NR6A1: variants seen among roughly 807,000 people sequenced by gnomAD.
NR6A1 encodes nuclear receptor subfamily 6 group A member 1.
A neutral mutation model predicts 59.1 loss-of-function variants in NR6A1; 7 were observed. The ratio of observed to expected loss-of-function variants is 0.12; its 90% CI spans 0.07 to 0.22. The LOEUF (loss-of-function observed/expected upper bound fraction) is 0.22. Among genes scored for constraint, NR6A1 ranks in the 10% least tolerant of loss-of-function variants. The probability of loss-of-function intolerance (pLI) is 1.00; values close to 1 mark genes in which losing one functional copy is unlikely to be tolerated. For missense variants in NR6A1, 468 were observed against 611.6 expected (o/e 0.77, Z 2.48); for synonymous variants, 243 against 236.1 (o/e 1.03, Z -0.27).
At chr9:124,531,789 A>G (rs868610327) in intron 7 of NR6A1, among the ~76,000 whole-genome samples, 3 of 152,148 alleles carry the variant, frequency 2.0e-5, no homozygotes, top group African/African-American at 2.4e-5. Context: ...GTCATCACCA[A>G]CATTTTCCAC....
intron 2 of NR6A1, among the ~76,000 whole-genome samples, chr9:124,697,774 G>A (rs750494292): frequency 3.3e-5 from 5 of 152,106 alleles, no homozygotes; most frequent in Non-Finnish European, 7.4e-5. Context: ...GTGATGAAGA[G>A]CTTGGGCTAA....
At chr9:124,556,190 T>G (rs1833919427) in intron 2 of NR6A1, among the ~76,000 whole-genome samples, 1 of 152,242 alleles carries the variant, frequency 6.6e-6, no homozygotes, top group East Asian at 1.9e-4. Flanking sequence ...GGTAGGGGGT[T>G]ATTCTGAATT....
At chr9:124,642,358 TTTTA>T (rs1457169356) in intron 2 of NR6A1, among the ~76,000 whole-genome samples, 5 of 152,256 alleles carry the variant, frequency 3.3e-5, no homozygotes, top group Non-Finnish European at 7.3e-5. Context: ...AAACTTTGTC[TTTTA>T]TTTATTATCT....
intron 2 of NR6A1, among the ~76,000 whole-genome samples, chr9:124,665,631 A>G (rs930942359): frequency 1.6e-4 from 24 of 152,212 alleles, no homozygotes; most frequent in African/African-American, 5.3e-4. Flanking sequence ...TGTTTCCTTC[A>G]TCTCCTTCCT....
chr9:124,717,377 A>T (rs543717849), intron 2 of NR6A1, among the ~76,000 whole-genome samples: 2 of 152,356 alleles, frequency 1.3e-5, no homozygotes, highest in Non-Finnish European at 2.9e-5. Flanking sequence ...GGTCAAAGGA[A>T]TACTCCTCAA....
chr9:124,655,060 T>C (rs1837219288), intron 2 of NR6A1, among the ~76,000 whole-genome samples: 3 of 152,200 alleles, frequency 2.0e-5, no homozygotes, highest in Admixed American at 2.0e-4. Context: ...AGCAATTAGT[T>C]GTTCAGCTAA....
At chr9:124,644,106 G>A (rs2130907581) in intron 2 of NR6A1, among the ~76,000 whole-genome samples, 1 of 151,542 alleles carries the variant, frequency 6.6e-6, no homozygotes, top group East Asian at 2.0e-4. Context: ...TCACTATATT[G>A]GCCAGGATGG....
intron 1 of NR6A1, among the ~76,000 whole-genome samples, chr9:124,752,815 TAA>T (rs1254492164): frequency 3.6e-5 from 5 of 140,768 alleles, no homozygotes; most frequent in African/African-American, 7.8e-5. Context: ...GCAGTTAAAT[TAA>T]AAAAAAAAAA....
At chr9:124,708,817 A>G (rs1839202682) in intron 2 of NR6A1, among the ~76,000 whole-genome samples, 1 of 152,210 alleles carries the variant, frequency 6.6e-6, no homozygotes, top group African/African-American at 2.4e-5. Context: ...AAAGTAGTAC[A>G]CTGAGTGTTA....
At chr9:124,586,753 A>G (rs1834949746) in intron 2 of NR6A1, among the ~76,000 whole-genome samples, 1 of 152,196 alleles carries the variant, frequency 6.6e-6, no homozygotes. Context: ...CCAGCCCATG[A>G]TAAAACTTTA....
intron 2 of NR6A1, among the ~76,000 whole-genome samples, chr9:124,606,821 CT>C (rs1313850769): frequency 6.6e-6 from 1 of 152,192 alleles, no homozygotes; most frequent in Non-Finnish European, 1.5e-5. Flanking sequence ...CCATGGGCAC[CT>C]CCCTGTCAAT....
At chr9:124,527,592 G>A (rs980097549) in intron 7 of NR6A1, among the ~76,000 whole-genome samples, 2 of 152,206 alleles carry the variant, frequency 1.3e-5, no homozygotes, top group African/African-American at 2.4e-5. Context: ...CTGTACAAAT[G>A]AGCAACTGAA....
chr9:124,654,355 GA>G (rs1204485267), intron 2 of NR6A1, among the ~76,000 whole-genome samples: 2 of 152,196 alleles, frequency 1.3e-5, no homozygotes, highest in South Asian at 4.1e-4. Flanking sequence ...ACAAATTTGG[GA>G]AAAAATACAC....
At chr9:124,568,880 G>C (rs543231286) in intron 2 of NR6A1, among the ~76,000 whole-genome samples, 2 of 151,842 alleles carry the variant, frequency 1.3e-5, no homozygotes, top group African/African-American at 4.9e-5. Flanking sequence ...TTGGGAGGCC[G>C]AGGCGGGCGG....
intron 2 of NR6A1, among the ~76,000 whole-genome samples, chr9:124,630,530 C>A (rs1029772735): frequency 6.6e-6 from 1 of 151,500 alleles, no homozygotes; most frequent in African/African-American, 2.4e-5. Flanking sequence ...GCCACTGCAC[C>A]CAGCCCCAAC....
intron 2 of NR6A1, among the ~76,000 whole-genome samples, chr9:124,725,567 GCTTTCCTAT>G (rs558370923): frequency 2.0e-5 from 3 of 152,140 alleles, no homozygotes; most frequent in Non-Finnish European, 4.4e-5. Context: ...GTGTGAGCAG[GCTTTCCTAT>G]CAGGAATCTG....
intron 7 of NR6A1, among the ~76,000 whole-genome samples, chr9:124,530,241 C>T (rs529042587): frequency 1.3e-5 from 2 of 152,262 alleles, no homozygotes; most frequent in South Asian, 4.2e-4. Context: ...AAAATTCCTC[C>T]AACAGGCAGC....
chr9:124,724,589 T>C (rs1330693613), intron 2 of NR6A1, among the ~76,000 whole-genome samples: 1 of 152,134 alleles, frequency 6.6e-6, no homozygotes, highest in Non-Finnish European at 1.5e-5. Context: ...AAGTAAGTAC[T>C]TTCAATTTTG....
In NR6A1 at chr9:124,712,460, T is replaced by G. The variant is rs112340107; in HGVS notation, c.142+20848A>C. Among the ~76,000 whole-genome samples the G allele has an allele frequency of 8.5e-3, 1,285 of 151,878 alleles. 17 individuals are homozygous for G. Among genetic ancestry groups the G allele is most frequent in the African/African-American group, 0.03 (1,226 of 41,398 alleles). ...CCCTTCTCTACTAAAAATACAAAAA[T>G]TAGCCAGGTAGGTGACACACGCCTG... is the stretch of plus-strand genomic sequence containing the variant. On this transcript the variant is annotated intron_variant, in intron 2 of 9. Transcript: ENST00000487099.
Sources: gnomAD v4.1 joint callset for allele counts (sites outside exome capture counted in the v4.1 genomes callset) on GRCh38, gnomAD v4.1.1 for gene constraint, MANE v1.5 for transcripts, NCBI Gene and HGNC (gene_info 2026-07-23, HGNC 2026-07-21) for gene names.